The following PPFIA2 variants were observed in gnomAD, a reference collection of about 807,000 sequenced individuals.
PPFIA2 encodes PPFI scaffold protein A2, also known as liprin-alpha-2.
Under a neutral mutation model 175.5 loss-of-function variants are expected in PPFIA2, and 46 were observed. That is an observed-to-expected ratio of 0.26 (90% confidence interval 0.21 to 0.34). The LOEUF (loss-of-function observed/expected upper bound fraction) is 0.34. PPFIA2 is among the 10% of genes least tolerant of loss of function. PPFIA2 has a pLI of 1.00. For missense variants in PPFIA2, 1,179 were observed against 1,506.1 expected, an observed-to-expected ratio of 0.78 and a Z score of 3.60; for synonymous variants, 568 against 511.4, an observed-to-expected ratio of 1.11 and a Z score of -1.49.
intron 2 of PPFIA2, among the ~76,000 whole-genome samples, chr12:81,757,489 T>G (rs2084868685): frequency 6.6e-6 from 1 of 152,190 alleles, no homozygotes; most frequent in South Asian, 2.1e-4. Context: ...TGAAACCTAG[T>G]CAGAGACATT....
chr12:81,637,068 CT>C (rs1014344936), intron 4 of PPFIA2, among the ~76,000 whole-genome samples: 99 of 147,876 alleles, frequency 6.7e-4, no homozygotes, highest in African/African-American at 2.1e-3. Context: ...TACTCTATAT[CT>C]TTTTTTTTTC....
chr12:81,724,877 T>A (rs1220692968), intron 3 of PPFIA2, among the ~76,000 whole-genome samples: 1 of 151,090 alleles, frequency 6.6e-6, no homozygotes, highest in East Asian at 1.9e-4. Context: ...ATAGTAGTTC[T>A]ATTTTTAGTT....
At position 81,511,213 on chromosome 12, in the gene PPFIA2, T is replaced by C. The variant is rs138866826; in HGVS notation, c.304-53347A>G. ...CCATTTTTGACCCATATCTGGGCAT[T>C]TTCCAATAGTGTCAAGAGACATCAT... is the stretch of plus-strand genomic sequence containing the variant. On this transcript the variant is annotated intron_variant, in intron 4 of 32. Coordinates refer to ENST00000549396, the MANE Select transcript of PPFIA2 (RefSeq NM_003625.5). Among the ~76,000 whole-genome samples the C allele has an allele frequency of 7.5e-3, 1,144 of 152,234 alleles. 14 individuals carry two copies. The highest frequency in any genetic ancestry group is 0.025 in the African/African-American group (1,051 of 41,556).
At chr12:81,627,440 A>G (rs930390729) in intron 4 of PPFIA2, among the ~76,000 whole-genome samples, 1 of 152,124 alleles carries the variant, frequency 6.6e-6, no homozygotes, top group Admixed American at 6.6e-5. Context: ...TTAAATTAAA[A>G]TTGTTTTAAA....
At chr12:81,345,233 T>TA (rs1229674235) in intron 18 of PPFIA2, among the ~76,000 whole-genome samples, 2 of 151,862 alleles carry the variant, frequency 1.3e-5, no homozygotes, top group African/African-American at 4.8e-5. Flanking sequence ...TTCTTCAGGT[T>TA]AAAAAAAATT....
At chr12:81,270,247 C>A (rs540485872) in intron 28 of PPFIA2, among the ~76,000 whole-genome samples, 1 of 152,272 alleles carries the variant, frequency 6.6e-6, no homozygotes, top group East Asian at 1.9e-4. Context: ...TTATTAATGT[C>A]TGAACATCTT....
chr12:81,439,909 AAC>A (rs1295736236), intron 7 of PPFIA2, 61 bp downstream of exon 7: 3 of 1,291,262 alleles, frequency 2.3e-6, no homozygotes, highest in African/African-American at 3.1e-5. Context: ...AGTGACGTGA[AAC>A]ACAAGGGATG....
intron 22 of PPFIA2, among the ~76,000 whole-genome samples, chr12:81,311,364 C>T (rs1460364113): frequency 6.6e-6 from 1 of 152,082 alleles, no homozygotes; most frequent in East Asian, 1.9e-4. Flanking sequence ...AGCATTTAAC[C>T]CTTTTCAGAT....
chr12:81,352,082 AT>A (rs1451035716), intron 17 of PPFIA2, among the ~76,000 whole-genome samples: 48 of 152,038 alleles, frequency 3.2e-4, no homozygotes, highest in Non-Finnish European at 6.5e-4. Flanking sequence ...TTGCTTTGCT[AT>A]GAACTGAATT....
chr12:81,382,817 T>C (rs2141963331), intron 9 of PPFIA2, among the ~76,000 whole-genome samples: 1 of 152,142 alleles, frequency 6.6e-6, no homozygotes. Context: ...AAGTTGGAGA[T>C]ATTAATTGGG....
chr12:81,459,835 C>T lies in PPFIA2; in HGVS notation c.304-1969G>A, dbSNP rs372791364. Among the ~76,000 whole-genome samples, 16 of 152,074 alleles carry T rather than the reference C, an allele frequency of 1.1e-4. No individual in the cohort carries two copies. The East Asian group carries it at 2.7e-3, about 26-fold the overall frequency. On this transcript the variant is annotated intron_variant, in intron 4 of 32. Coordinates refer to ENST00000549396, the MANE Select transcript of PPFIA2 (RefSeq NM_003625.5). Reference sequence around the variant, plus strand: ...GGCACTACTTTCACATTTATTATACCACCTTGCTCTCTAAATACCTAGTGA... The same window carrying T: ...GGCACTACTTTCACATTTATTATACTACCTTGCTCTCTAAATACCTAGTGA...
intron 4 of PPFIA2, among the ~76,000 whole-genome samples, chr12:81,618,964 A>C (rs1228274725): frequency 6.7e-6 from 1 of 149,928 alleles, no homozygotes; most frequent in African/African-American, 2.4e-5. Context: ...ATACAATTCA[A>C]AGGACAAACA....
chr12:81,267,641 G>A (rs976734475), intron 29 of PPFIA2, among the ~76,000 whole-genome samples: 1 of 151,990 alleles, frequency 6.6e-6, no homozygotes, highest in Non-Finnish European at 1.5e-5. Flanking sequence ...ATGGCCATCT[G>A]TCAGGGATTT....
At chr12:81,490,010 G>T (rs2147022392) in intron 4 of PPFIA2, among the ~76,000 whole-genome samples, 1 of 151,840 alleles carries the variant, frequency 6.6e-6, no homozygotes, top group Admixed American at 6.6e-5. Context: ...TCTTTTGTAT[G>T]TATCCACTTA....
intron 3 of PPFIA2, among the ~76,000 whole-genome samples, chr12:81,721,449 A>G (rs2079322200): frequency 6.8e-6 from 1 of 147,378 alleles, no homozygotes; most frequent in African/African-American, 2.4e-5. Context: ...ACACACACAC[A>G]TAAACACACA....
At chr12:81,538,919 T>C (rs779944635) in intron 4 of PPFIA2, among the ~76,000 whole-genome samples, 4 of 151,862 alleles carry the variant, frequency 2.6e-5, no homozygotes, top group Non-Finnish European at 5.9e-5. Context: ...GAACAGACCA[T>C]AGAGCGACCA....
At chr12:81,614,197 G>A (rs540611829) in intron 4 of PPFIA2, among the ~76,000 whole-genome samples, 1 of 151,986 alleles carries the variant, frequency 6.6e-6, no homozygotes, top group Non-Finnish European at 1.5e-5. Context: ...TAATCCCCCT[G>A]CACATATTCA....
chr12:81,370,278 GT>G (rs1291504448), intron 11 of PPFIA2, among the ~76,000 whole-genome samples: 2 of 151,778 alleles, frequency 1.3e-5, no homozygotes, highest in African/African-American at 4.8e-5. Flanking sequence ...GCAAGATTGA[GT>G]TTCCTCAGCA....
chr12:81,390,042 T>C (rs1035661502), intron 8 of PPFIA2, among the ~76,000 whole-genome samples: 1 of 152,088 alleles, frequency 6.6e-6, no homozygotes, highest in Non-Finnish European at 1.5e-5. Flanking sequence ...TGAACATGTG[T>C]TCTTTCGTGA....
Sources: gnomAD v4.1 joint callset for allele counts (sites outside exome capture counted in the v4.1 genomes callset) on GRCh38, gnomAD v4.1.1 for gene constraint, MANE v1.5 for transcripts, NCBI Gene and HGNC (gene_info 2026-07-23, HGNC 2026-07-21) for gene names.